Variants in NFATC3 observed in about 807,000 individuals in gnomAD.
NFATC3 encodes the protein nuclear factor of activated T-cells, cytoplasmic 3.
A neutral mutation model predicts 98.6 loss-of-function variants in NFATC3; 46 were observed. That is an observed-to-expected ratio of 0.47 (90% CI 0.37 to 0.60). NFATC3 has a LOEUF of 0.60. NFATC3 is among the 20% of genes least tolerant of loss of function. NFATC3 has a pLI of 0.00. For synonymous variants in NFATC3, 512 were observed against 472.2 expected (o/e 1.08, Z -1.09); for missense variants, 1,256 against 1,295.5 (o/e 0.97, Z 0.47).
intron 9 of NFATC3, chr16:68,218,109 G>T (rs1396651993): frequency 1.2e-6 from 1 of 869,276 alleles, no homozygotes; most frequent in African/African-American, 1.8e-5. Flanking sequence ...GCCTAGGCTG[G>T]AGTGCAGTGG....
chr16:68,097,040 G>A (rs2035055407), intron 1 of NFATC3, among the ~76,000 whole-genome samples: 2 of 152,092 alleles, frequency 1.3e-5, no homozygotes, highest in Admixed American at 1.3e-4. Flanking sequence ...CAGTGAAGAC[G>A]ACAAAGTGGG....
In NFATC3 at chr16:68,222,236, C is replaced by T. The variant is rs544187072; in HGVS notation, c.3107-4114C>T. ...TGGGAAGATCAAGGCTGCAGTGAGC[C>T]GTGATTGTGCCACCTGCATTCCAGC... On this transcript the variant is annotated intron_variant, in intron 9 of 9. Transcript: ENST00000346183. Among the ~76,000 whole-genome samples, 9 of 125,954 alleles carry T rather than the reference C, an allele frequency of 7.1e-5. No homozygotes were observed. In the South Asian group the frequency reaches 1.0e-3, roughly 14 times the overall value. The allele number at this position is 125,954 out of a possible 152,430, so 82.6% of individuals were successfully genotyped here. A position where few individuals can be genotyped will look rare whatever the true frequency, so the allele number is the denominator to read the frequency against.
At chr16:68,162,793 G>A (rs961106859) in intron 4 of NFATC3, among the ~76,000 whole-genome samples, 1 of 151,818 alleles carries the variant, frequency 6.6e-6, no homozygotes, top group African/African-American at 2.4e-5. Context: ...TTCTCGCAGA[G>A]GGGGATTTGG....
chr16:68,162,978 G>C (rs1405904423), intron 4 of NFATC3, among the ~76,000 whole-genome samples: 3 of 151,624 alleles, frequency 2.0e-5, no homozygotes, highest in African/African-American at 7.3e-5. Flanking sequence ...TCAAGCATCT[G>C]TTTAACAAAG....
intron 8 of NFATC3, among the ~76,000 whole-genome samples, chr16:68,185,379 G>T (rs1349622546): frequency 3.3e-5 from 5 of 152,122 alleles, no homozygotes; most frequent in Admixed American, 3.3e-4. Context: ...AATTCTTCAA[G>T]GCGGGTGGTA....
chr16:68,091,255 G>T (rs898938566), intron 1 of NFATC3, among the ~76,000 whole-genome samples: 2 of 152,134 alleles, frequency 1.3e-5, no homozygotes, highest in African/African-American at 4.8e-5. Flanking sequence ...AGTTGTGGGG[G>T]TTAAGTAAGG....
chr16:68,221,113 A>G (rs1598630681), intron 9 of NFATC3: 1 of 1,453,096 alleles, frequency 6.9e-7, no homozygotes. Flanking sequence ...TGAAAAATTA[A>G]ATTGCAAGCA....
chr16:68,099,244 G>T (rs2035208121), intron 1 of NFATC3, among the ~76,000 whole-genome samples: 1 of 152,052 alleles, frequency 6.6e-6, no homozygotes, highest in Non-Finnish European at 1.5e-5. Flanking sequence ...GACCAGCCTG[G>T]CCAACCTGGT....
Position 68,191,776 on chromosome 16 carries a change from G to GT in NFATC3, c.3106+2dup. The GT allele has an allele frequency of 6.2e-7, 1 of 1,613,928 alleles. No individual in the cohort carries two copies. The highest frequency in any genetic ancestry group is 8.5e-7 in the Non-Finnish European group (1 of 1,179,838). The stretch of plus-strand genomic sequence containing the variant: ...CTGCAGGACATCACTTTAGATGATG[G>GT]TAAGTTCATCTCTGATATGTTCTTG... On this transcript the variant is annotated splice_donor_variant, in intron 9 of 9. Coordinates refer to ENST00000346183, the MANE Select transcript of NFATC3 (RefSeq NM_173165.3). LOFTEE classifies it high-confidence loss of function.
intron 1 of NFATC3, among the ~76,000 whole-genome samples, chr16:68,112,478 A>C (rs1316640019): frequency 6.6e-6 from 1 of 151,098 alleles, no homozygotes; most frequent in Non-Finnish European, 1.5e-5. Context: ...GGGTTTCACC[A>C]TCTTGACCAG....
intron 1 of NFATC3, chr16:68,086,499 T>G (rs917574797): frequency 1.4e-5 from 3 of 218,072 alleles, no homozygotes; most frequent in Non-Finnish European, 2.3e-5. Context: ...AATCTTGAAT[T>G]GGGAAAGCTG....
intron 1 of NFATC3, among the ~76,000 whole-genome samples, chr16:68,103,748 A>C (rs1035901726): frequency 1.3e-5 from 2 of 152,202 alleles, no homozygotes; most frequent in Non-Finnish European, 2.9e-5. Flanking sequence ...GTTCAACTTC[A>C]TTCTTTTGCA....
At chr16:68,192,224 A>ATATATAT (rs1241835522) in intron 9 of NFATC3, 30 of 67,072 alleles carry the variant, frequency 4.5e-4, no homozygotes, top group East Asian at 3.6e-3. Context: ...AAAAAAAAAA[A>ATATATAT]AAAAAAATAT....
intron 6 of NFATC3, among the ~76,000 whole-genome samples, chr16:68,177,190 G>A (rs1297954116): frequency 6.6e-6 from 1 of 151,934 alleles, no homozygotes; most frequent in Non-Finnish European, 1.5e-5. Context: ...TGGGATTACA[G>A]GCACCTGCCT....
intron 6 of NFATC3, among the ~76,000 whole-genome samples, chr16:68,177,013 T>C (rs1459130983): frequency 1.3e-5 from 2 of 151,440 alleles, no homozygotes; most frequent in African/African-American, 4.8e-5. Flanking sequence ...TATATATTTT[T>C]CTTTCTTTCT....
chr16:68,102,225 A>G (rs1339664337), intron 1 of NFATC3, among the ~76,000 whole-genome samples: 1 of 151,896 alleles, frequency 6.6e-6, no homozygotes, highest in South Asian at 2.1e-4. Context: ...CAAAAAAATT[A>G]GCTGGGTGTG....
At chr16:68,207,902 C>T (rs1017826073) in intron 9 of NFATC3, among the ~76,000 whole-genome samples, 2 of 150,652 alleles carry the variant, frequency 1.3e-5, no homozygotes, top group Non-Finnish European at 2.9e-5. Context: ...AAATAATAGC[C>T]ATCCTACTGG....
intron 6 of NFATC3, among the ~76,000 whole-genome samples, chr16:68,177,778 T>C (rs2039782030): frequency 6.6e-6 from 1 of 152,128 alleles, no homozygotes; most frequent in Admixed American, 6.5e-5. Flanking sequence ...AAATATTCCC[T>C]TTCTCTTAAA....
chr16:68,210,072 C>T (rs999420573), intron 9 of NFATC3, among the ~76,000 whole-genome samples: 2 of 152,004 alleles, frequency 1.3e-5, no homozygotes, highest in South Asian at 2.1e-4. Context: ...CCGAGGTGGG[C>T]GGATCACGAG....
Sources: gnomAD v4.1 joint callset for allele counts (sites outside exome capture counted in the v4.1 genomes callset) on GRCh38, gnomAD v4.1.1 for gene constraint, MANE v1.5 for transcripts, NCBI Gene and HGNC (gene_info 2026-07-23, HGNC 2026-07-21) for gene names.